The following SCN4A variants were observed in gnomAD, a reference collection of about 807,000 sequenced individuals.
SCN4A encodes the protein sodium voltage-gated channel alpha subunit 4, also known as sodium channel protein type 4 subunit alpha.
In SCN4A, 83 loss-of-function variants were observed where a neutral mutation model predicts 162.0. The observed-to-expected ratio is 0.51, with a 90% CI of 0.43 to 0.61. The LOEUF (loss-of-function observed/expected upper bound fraction) is 0.61. SCN4A is among the 20% of genes least tolerant of loss of function. SCN4A has a pLI of 0.00. For synonymous variants in SCN4A, 944 were observed against 985.1 expected, an observed-to-expected ratio of 0.96 and a Z score of 0.78; for missense variants, 2,196 against 2,462.5, an observed-to-expected ratio of 0.89 and a Z score of 2.29.
Position 63,959,434 on chromosome 17 carries a change from A to G in SCN4A, c.1850T>C (p.Phe617Ser). 1 of 1,613,316 alleles carries G rather than the reference A, an allele frequency of 6.2e-7. No homozygotes were observed. Among genetic ancestry groups the G allele is most frequent in the Non-Finnish European group, 8.5e-7 (1 of 1,179,574 alleles). Residue 617 changes from phenylalanine (F) to serine (S), a missense_variant, in exon 12 of 24, where the codon TTC becomes TCC. Transcript: ENST00000435607. ...CATCTCTGCTGTGAAGATGCCTGTG[A>G]AGACCTAGGGGGTGGCATGAGGCCC... ...DNVLTVGNLVFTGIFTAEMVL... is the reference protein window; with the variant it reads ...DNVLTVGNLVSTGIFTAEMVL...
At chr17:63,946,921 G>T in intron 18 of SCN4A, 124 bp downstream of exon 18, 1 of 972,202 alleles carries the variant, frequency 1.0e-6, no homozygotes, top group Non-Finnish European at 1.5e-6. Flanking sequence ...AGGCAGGGCC[G>T]TGGGTCCAAG....
intron 17 of SCN4A, among the ~76,000 whole-genome samples, chr17:63,947,501 C>A (rs1349331710): frequency 6.6e-6 from 1 of 152,208 alleles, no homozygotes; most frequent in African/African-American, 2.4e-5. Context: ...CACCTGTAAT[C>A]CCAGCACTTT....
intron 11 of SCN4A, among the ~76,000 whole-genome samples, chr17:63,960,465 C>T (rs1220306320): frequency 6.6e-6 from 1 of 152,244 alleles, no homozygotes; most frequent in Non-Finnish European, 1.5e-5. Context: ...TCTTACTCTC[C>T]CTGGCTTCCC....
At chr17:63,960,951 C>T (rs1909227562) in intron 11 of SCN4A, among the ~76,000 whole-genome samples, 1 of 151,746 alleles carries the variant, frequency 6.6e-6, no homozygotes, top group South Asian at 2.1e-4. Context: ...TTAGGAAGCC[C>T]AGCGCCTCAA....
In SCN4A at chr17:63,968,194, C is replaced by T. The variant is rs376680315; in HGVS notation, c.865G>A (p.Asp289Asn). 94 of 1,613,964 alleles carry T rather than the reference C, an allele frequency of 5.8e-5. No individual in the cohort carries two copies. The highest frequency in any genetic ancestry group is 7.3e-5 in the Non-Finnish European group (86 of 1,179,910). Reference protein sequence around the residue: ...KCVRWPPPFNDTNTTWYSNDT... With the variant: ...KCVRWPPPFNNTNTTWYSNDT... Reference sequence around the variant, plus strand: ...TTGCTGTACCACGTGGTGTTGGTGTCGTTGAACGGCGGGGGCCAGCGCACA... The same window carrying T: ...TTGCTGTACCACGTGGTGTTGGTGTTGTTGAACGGCGGGGGCCAGCGCACA... The change falls in exon 6 of 24, where the codon GAC becomes AAC. Residue 289 changes from aspartate to asparagine, a missense_variant. By Grantham distance (23) the Asp-to-Asn change is conservative. Coordinates refer to ENST00000435607, the MANE Select transcript of SCN4A (RefSeq NM_000334.4).
chr17:63,969,887 C>T (rs1351324656), intron 5 of SCN4A, among the ~76,000 whole-genome samples: 1 of 152,140 alleles, frequency 6.6e-6, no homozygotes, highest in African/African-American at 2.4e-5. Flanking sequence ...AAGTGATTCA[C>T]CTGTCTCGGC....
At position 63,972,580 on chromosome 17, in the gene SCN4A, TGTA is replaced by T; in HGVS notation, c.259_261del (p.Tyr87del). The T allele has an allele frequency of 6.3e-7, 1 of 1,595,080 alleles. No individual in the cohort carries two copies. The highest frequency in any genetic ancestry group is 8.5e-7 in the Non-Finnish European group (1 of 1,170,648). On this transcript the variant is annotated inframe_deletion, in exon 1 of 24. Transcript: ENST00000435607. The surrounding 1 kb of genome is among the most constrained non-coding windows in gnomAD (Gnocchi z 4.3). ...TCCCAGGCCCAGACCTTCTTATTGCTGTAGTAGGGATCCAGGTCCTCCAGGGGG... is the reference window on the plus strand; with the variant it reads ...TCCCAGGCCCAGACCTTCTTATTGCTGTAGGGATCCAGGTCCTCCAGGGGG...
At position 63,944,808 on chromosome 17, in the gene SCN4A, C is replaced by T. The variant is rs1156522495; in HGVS notation, c.3777G>A (p.Lys1259=). Residue 1259 remains lysine, a splice_region_variant and synonymous_variant, in exon 21 of 24, where the codon AAG becomes AAA. Coordinates refer to ENST00000435607, the MANE Select transcript of SCN4A (RefSeq NM_000334.4). This position sits in a 1 kb window ranked among gnomAD's most constrained non-coding sequence, Gnocchi z 4.3. ...IMYAAVDSRE[K]EEQPQYEVNL... ...TCACCTCGTACTGCGGCTGCTCCTC[C>T]TTCTGTGGGAGCCACAGGGTGGGAC... is the stretch of plus-strand genomic sequence containing the variant. 6.2e-7 allele frequency: 1 copy of T among 1,613,510 alleles called. No homozygotes were observed. The highest frequency in any genetic ancestry group is 8.5e-7 in the Non-Finnish European group (1 of 1,179,702).
chr17:63,946,921 G>A (rs1490835840), intron 18 of SCN4A, 124 bp downstream of exon 18: 11 of 972,082 alleles, frequency 1.1e-5, no homozygotes, highest in Admixed American at 9.4e-5. Context: ...AGGCAGGGCC[G>A]TGGGTCCAAG....
Position 63,945,458 on chromosome 17 carries a change from C to G in SCN4A, c.3622G>C (p.Glu1208Gln), listed in dbSNP as rs754401226. 5.2e-5 allele frequency: 84 copies of G among 1,613,884 alleles called. No individual in the cohort carries two copies. Among genetic ancestry groups the G allele is most frequent in the East Asian group, 1.6e-4 (7 of 44,890 alleles). The change falls in exon 19 of 24, where the codon GAG becomes CAG. Residue 1208 changes from glutamate to glutamine, a missense_variant. Coordinates refer to ENST00000435607, the MANE Select transcript of SCN4A (RefSeq NM_000334.4). The surrounding 1 kb of genome is among the most constrained non-coding windows in gnomAD (Gnocchi z 4.4). Reference sequence around the variant, plus strand: ...CCTGTGTGCATGAGGCTCTCGCACTCAGACTTGTTGTTGACCTCGGAGATG... The same window carrying G: ...CCTGTGTGCATGAGGCTCTCGCACTGAGACTTGTTGTTGACCTCGGAGATG... ...FDISEVNNKS[E>Q]CESLMHTGQV...
At position 63,964,542 on chromosome 17, in the gene SCN4A, C is replaced by T. The variant is rs540596321; in HGVS notation, c.1378G>A (p.Glu460Lys). 3.7e-5 allele frequency: 60 copies of T among 1,613,940 alleles called. No individual in the cohort carries two copies. Among genetic ancestry groups the T allele is most frequent in the Middle Eastern group, 1.6e-4 (1 of 6,084 alleles). ...AACTCCTCCTCTTTCTCCTTATCCT[C>T]GGCCAGGGTGGCCTCATTCTGCTCG... is the stretch of plus-strand genomic sequence containing the variant. ...YAEQNEATLA[E>K]DKEKEEEFQQ... Residue 460 changes from glutamate (E) to lysine (K), a missense_variant, in exon 9 of 24, where the codon GAG (glutamate) becomes AAG (lysine). Transcript: ENST00000435607.
At position 63,972,675 on chromosome 17, in the gene SCN4A, C is replaced by T; in HGVS notation, c.167G>A (p.Ser56Asn). ...EIEEPERKPR[S>N]DLEAGKNLPM... ...TAGGTTCTTGCCAGCCTCCAAGTCA[C>T]TTCGTGGCTTCCGTTCGGGCTCCTC... Residue 56 changes from serine to asparagine, a missense_variant, in exon 1 of 24, where the codon AGT becomes AAT. Ser to Asn is a conservative substitution (Grantham distance 46, BLOSUM62 1). Transcript: ENST00000435607. The surrounding 1 kb of genome is among the most constrained non-coding windows in gnomAD (Gnocchi z 4.3). 1 of 1,613,616 alleles carries T rather than the reference C, an allele frequency of 6.2e-7. No homozygotes were observed. The highest frequency in any genetic ancestry group is 8.5e-7 in the Non-Finnish European group (1 of 1,179,712).
Position 63,969,461 on chromosome 17 carries a change from C to A in SCN4A, c.704-1106G>T, listed in dbSNP as rs1303001301. Among the ~76,000 whole-genome samples, 5 of 152,250 alleles carry A rather than the reference C, an allele frequency of 3.3e-5. No homozygotes were observed. The South Asian group carries it at 8.3e-4, about 25-fold the overall frequency. On this transcript the variant is annotated intron_variant, in intron 5 of 23. Transcript: ENST00000435607. Reference sequence around the variant, plus strand: ...CAGCCTCCTTATAAAAGCCCTCCTGCGCCCCGAGGATGCTGGCAGCTGGCA... The same window carrying A: ...CAGCCTCCTTATAAAAGCCCTCCTGAGCCCCGAGGATGCTGGCAGCTGGCA...
At chr17:63,942,304 A>T (rs1908567926) in intron 23 of SCN4A, among the ~76,000 whole-genome samples, 2 of 150,416 alleles carry the variant, frequency 1.3e-5, no homozygotes, top group Non-Finnish European at 3.0e-5. Context: ...TGAAAGAGAC[A>T]GAGAGAGAGA....
Position 63,945,402 on chromosome 17 carries a change from G to A in SCN4A, c.3678C>T (p.Asn1226=), listed in dbSNP as rs1218404418. 5.0e-6 allele frequency: 8 copies of A among 1,613,464 alleles called. No homozygotes were observed. The highest frequency in any genetic ancestry group is 6.8e-6 in the Non-Finnish European group (8 of 1,179,538). Residue 1226 remains asparagine (N), a synonymous_variant, in exon 19 of 24, where the codon AAC becomes AAT. Coordinates refer to ENST00000435607, the MANE Select transcript of SCN4A (RefSeq NM_000334.4). The surrounding 1 kb of genome is among the most constrained non-coding windows in gnomAD (Gnocchi z 4.4). Reference sequence around the variant, plus strand: ...GGTAGCCCAGACCCACGTTGTCGTAGTTGACCTTGACATTGAGCCAGCGGA... The same window carrying A: ...GGTAGCCCAGACCCACGTTGTCGTAATTGACCTTGACATTGAGCCAGCGGA... ...GQVRWLNVKV[N]YDNVGLGYLS...
Position 63,971,028 on chromosome 17 carries a change from T to A in SCN4A, c.703+134A>T, listed in dbSNP as rs1909593069. 4.6e-6 allele frequency: 3 copies of A among 657,078 alleles called. No individual in the cohort carries two copies. The South Asian group carries it at 5.2e-5, about 11-fold the overall frequency. 40.7% of individuals were successfully genotyped at this position (657,078 alleles called of 1,614,324 possible). ...TGCCCTCTGGTCACGTGGGCCCCTG[T>A]ATGTCCAGGCTTTGCTGTGAGTTCT... On this transcript the variant is annotated intron_variant, in intron 5 of 23. Coordinates refer to ENST00000435607, the MANE Select transcript of SCN4A (RefSeq NM_000334.4).
At chr17:63,956,882 C>T (rs1390948763) in intron 13 of SCN4A, among the ~76,000 whole-genome samples, 1 of 152,268 alleles carries the variant, frequency 6.6e-6, no homozygotes, top group Non-Finnish European at 1.5e-5. Context: ...TCAGCATCCA[C>T]TGATCAGCAT....
chr17:63,957,024 T>G (rs1028668424), intron 13 of SCN4A, 138 bp downstream of exon 13: 6 of 614,142 alleles, frequency 9.8e-6, no homozygotes, highest in Non-Finnish European at 1.7e-5. Flanking sequence ...GGTTAAAATT[T>G]GAGAACTACG....
At chr17:63,969,033 A>C (rs1909540109) in intron 5 of SCN4A, among the ~76,000 whole-genome samples, 1 of 152,072 alleles carries the variant, frequency 6.6e-6, no homozygotes, top group South Asian at 2.1e-4. Flanking sequence ...AGTAGGGATG[A>C]GGTTTCGCTA....
Sources: allele counts gnomAD v4.1 joint callset (sites outside exome capture counted in the v4.1 genomes callset), GRCh38; gene constraint gnomAD v4.1.1; non-coding constraint Gnocchi (gnomAD v3.1); transcripts MANE v1.5; gene names NCBI Gene and HGNC (gene_info 2026-07-23, HGNC 2026-07-21).